The following ATAD1 variants were observed in gnomAD, a reference collection of about 807,000 sequenced individuals.
ATAD1 encodes the protein outer mitochondrial transmembrane helix translocase.
ATAD1 carries 18 observed loss-of-function variants against 42.7 expected under a neutral mutation model. That is an observed-to-expected ratio of 0.42 (90% CI 0.29 to 0.63). The LOEUF is 0.63. Among genes scored for constraint, ATAD1 ranks in the 20% least tolerant of loss-of-function variants. The pLI, the probability that ATAD1 is intolerant of heterozygous loss-of-function variation, is 0.19. For missense variants in ATAD1, 294 were observed against 440.4 expected (o/e 0.67, Z 2.98); for synonymous variants, 132 against 143.1 (o/e 0.92, Z 0.55).
At chr10:87,793,684 T>C (rs183565928) in intron 2 of ATAD1, among the ~76,000 whole-genome samples, 2 of 152,314 alleles carry the variant, frequency 1.3e-5, no homozygotes, top group African/African-American at 4.8e-5. Flanking sequence ...TTTATAACCA[T>C]GAAAGAGTCT....
intron 1 of ATAD1, among the ~76,000 whole-genome samples, chr10:87,830,856 C>T (rs749784340): frequency 1.4e-4 from 22 of 152,106 alleles, no homozygotes; most frequent in Non-Finnish European, 1.5e-4. Flanking sequence ...TGTTCCAGTG[C>T]ATAGAAATGG....
intron 3 of ATAD1, among the ~76,000 whole-genome samples, chr10:87,791,030 CAAAA>C (rs34722647): frequency 1.5e-5 from 1 of 66,250 alleles, no homozygotes; most frequent in Non-Finnish European, 2.9e-5. Flanking sequence ...ACTAAAATTA[CAAAA>C]AAAAAAAAAA....
intron 2 of ATAD1, among the ~76,000 whole-genome samples, chr10:87,807,262 G>C (rs1173198352): frequency 2.0e-5 from 3 of 151,958 alleles, no homozygotes; most frequent in Non-Finnish European, 4.4e-5. Context: ...TTACAAGCAG[G>C]GCTGCTATGA....
chr10:87,776,347 C>T lies in ATAD1; in HGVS notation c.664G>A (p.Gly222Arg). 6 of 1,613,542 alleles carry T rather than the reference C, an allele frequency of 3.7e-6. No individual in the cohort carries two copies. Among genetic ancestry groups the T allele is most frequent in the Non-Finnish European group, 5.1e-6 (6 of 1,179,578 alleles). Residue 222 changes from glycine to arginine, a missense_variant, in exon 6 of 10, where the codon GGA (glycine) becomes AGA (arginine). By Grantham distance (125) the Gly-to-Arg change is moderately radical. Transcript: ENST00000680024. The part of the protein sequence containing the change: ...MKAQFMSLWD[G>R]LDTDHSCQVI... ...TGGCAGCTGTGATCAGTATCCAATC[C>T]ATCCCAGAGACTCATAAACTGAGCT...
In ATAD1 at chr10:87,751,545, G is replaced by A. The variant is rs1589448691; in HGVS notation, c.*3142C>T. The A allele has an allele frequency of 6.6e-6, 1 of 152,098 alleles. No individual in the cohort carries two copies. Among genetic ancestry groups the A allele is most frequent in the Non-Finnish European group, 1.5e-5 (1 of 68,020 alleles). The allele number at this position is 152,098 out of a possible 1,614,324, so 9.4% of individuals were successfully genotyped here. The stretch of plus-strand genomic sequence containing the variant: ...GAAGCTCATATTTAATAAGGTTCAA[G>A]TTCTCCTCAATATGATTTTCATTAA... On this transcript the variant is annotated 3_prime_UTR_variant, in exon 10 of 10. Coordinates refer to ENST00000680024, the MANE Select transcript of ATAD1 (RefSeq NM_001321967.2).
At chr10:87,823,588 A>G (rs1857670909) in intron 1 of ATAD1, among the ~76,000 whole-genome samples, 1 of 152,208 alleles carries the variant, frequency 6.6e-6, no homozygotes, top group Non-Finnish European at 1.5e-5. Flanking sequence ...TTGAGTAAGA[A>G]TAACAAAGAT....
upstream of ATAD1, among the ~76,000 whole-genome samples, chr10:87,820,773 TC>T (rs1377919542): frequency 1.3e-5 from 2 of 152,198 alleles, no homozygotes; most frequent in African/African-American, 4.8e-5. Flanking sequence ...TAAGAAACCT[TC>T]CATGTCTGGG....
At chr10:87,802,030 A>G (rs998420110) in intron 2 of ATAD1, among the ~76,000 whole-genome samples, 4 of 152,200 alleles carry the variant, frequency 2.6e-5, no homozygotes, top group Admixed American at 2.0e-4. Context: ...GTAGACTCCT[A>G]TGAACAAAAT....
intron 1 of ATAD1, 24 bp downstream of exon 1, chr10:87,818,143 G>GC (rs1857517514): frequency 5.1e-6 from 5 of 985,624 alleles, no homozygotes; most frequent in Non-Finnish European, 6.0e-6. Flanking sequence ...ATCCCATGAG[G>GC]CCCCACGGGA....
Position 87,814,464 on chromosome 10 carries a change from T to C in ATAD1, c.136A>G (p.Lys46Glu). Residue 46 changes from lysine (K) to glutamate (E), a missense_variant, in exon 2 of 10, where the codon AAG becomes GAG. Coordinates refer to ENST00000680024, the MANE Select transcript of ATAD1 (RefSeq NM_001321967.2). ...TGTTTCTGAGCTTCTACTTTTTGCTTTCTGGTTGGATCAATTGCATCTACC... is the reference window on the plus strand; with the variant it reads ...TGTTTCTGAGCTTCTACTTTTTGCTCTCTGGTTGGATCAATTGCATCTACC... Reference protein sequence around the residue: ...WMVDAIDPTRKQKVEAQKQAE... With the variant: ...WMVDAIDPTREQKVEAQKQAE... 1 of 1,601,242 alleles carries C rather than the reference T, an allele frequency of 6.2e-7. No individual in the cohort carries two copies. Among genetic ancestry groups the C allele is most frequent in the Non-Finnish European group, 8.5e-7 (1 of 1,174,248 alleles).
At chr10:87,807,529 C>T (rs1055251562) in intron 2 of ATAD1, among the ~76,000 whole-genome samples, 1 of 152,102 alleles carries the variant, frequency 6.6e-6, no homozygotes, top group African/African-American at 2.4e-5. Flanking sequence ...TTTGCATTTC[C>T]TTGATTTCTA....
intron 8 of ATAD1, among the ~76,000 whole-genome samples, 164 bp downstream of exon 8, chr10:87,767,509 C>T (rs189127198): frequency 7.2e-5 from 11 of 152,286 alleles, no homozygotes; most frequent in Non-Finnish European, 1.0e-4. Context: ...TCCTGCTGTG[C>T]GGCCCAGTTC....
chr10:87,780,155 A>G (rs1180301532), intron 5 of ATAD1, among the ~76,000 whole-genome samples: 2 of 152,190 alleles, frequency 1.3e-5, no homozygotes, highest in African/African-American at 2.4e-5. Context: ...TCAAATCATG[A>G]AAAGATGTGG....
At chr10:87,782,631 A>G (rs1325444818) in intron 5 of ATAD1, among the ~76,000 whole-genome samples, 1 of 152,240 alleles carries the variant, frequency 6.6e-6, no homozygotes, top group Admixed American at 6.5e-5. Flanking sequence ...AAAAGAACGT[A>G]TAACTTCTAA....
chr10:87,767,382 C>T (rs1041181076), intron 8 of ATAD1, among the ~76,000 whole-genome samples: 1 of 152,154 alleles, frequency 6.6e-6, no homozygotes, highest in Non-Finnish European at 1.5e-5. Context: ...ATTAGACTCT[C>T]ATAAGAAGCG....
upstream of ATAD1, chr10:87,818,259 C>G: frequency 1.0e-6 from 1 of 985,378 alleles, no homozygotes; most frequent in Non-Finnish European, 1.2e-6. Context: ...GCGGGAGGCG[C>G]GGCGCACTCC....
chr10:87,818,351 A>T, upstream of ATAD1: 1 of 743,178 alleles, frequency 1.3e-6, no homozygotes, highest in Non-Finnish European at 1.6e-6. Flanking sequence ...GGGAGAGCAA[A>T]TTCGCGCACC....
intron 8 of ATAD1, among the ~76,000 whole-genome samples, chr10:87,761,559 GGCTGAGGCGGGGGGATCACTTGA>G (rs1854485302): frequency 6.6e-6 from 1 of 152,130 alleles, no homozygotes; most frequent in African/African-American, 2.4e-5. Flanking sequence ...CTACTCAGGG[GGCTGAGGCGGGGGGATCACTTGA>G]GCCCAGGGAG....
chr10:87,789,737 G>GA (rs1426363712), intron 4 of ATAD1, among the ~76,000 whole-genome samples: 8 of 151,236 alleles, frequency 5.3e-5, no homozygotes, highest in African/African-American at 1.9e-4. Context: ...GAAAAGAAAA[G>GA]AGAGAAAAGA....
Sources: gnomAD v4.1 joint callset for allele counts (sites outside exome capture counted in the v4.1 genomes callset) on GRCh38, gnomAD v4.1.1 for gene constraint, MANE v1.5 for transcripts, NCBI Gene and HGNC (gene_info 2026-07-23, HGNC 2026-07-21) for gene names.